TBC1D16: variants seen among roughly 807,000 people sequenced by gnomAD.
The protein encoded by TBC1D16 is TBC1 domain family member 16, also known as CTD-2529O21.1.
Under a neutral mutation model 74.7 loss-of-function variants are expected in TBC1D16, and 58 were observed. That is an observed-to-expected ratio of 0.78 (90% confidence interval 0.63 to 0.97). The LOEUF (loss-of-function observed/expected upper bound fraction) is 0.97, where lower values mean the gene tolerates loss of function less well. Ranked by LOEUF, TBC1D16 falls within the 50% of genes least tolerant of loss-of-function variation. The pLI, the probability that TBC1D16 is intolerant of heterozygous loss-of-function variation, is 0.00. For synonymous variants in TBC1D16, 493 were observed against 474.7 expected, an observed-to-expected ratio of 1.04 and a Z score of -0.50; for missense variants, 1,014 against 1,079.5, an observed-to-expected ratio of 0.94 and a Z score of 0.85.
At chr17:80,025,053 G>GACACACACCATA (rs2036509063) in intron 1 of TBC1D16, among the ~76,000 whole-genome samples, 1 of 32,224 alleles carries the variant, frequency 3.1e-5, no homozygotes, top group Admixed American at 2.7e-4. Context: ...ACACAACCAG[G>GACACACACCATA]CACACACACT....
In TBC1D16 at chr17:79,941,875, G is replaced by A. The variant is rs1179747405; in HGVS notation, c.2055+185C>T. On this transcript the variant is annotated intron_variant, in intron 11 of 11. Coordinates refer to ENST00000310924, the MANE Select transcript of TBC1D16 (RefSeq NM_019020.4). This position sits in a 1 kb window ranked among gnomAD's most constrained non-coding sequence, Gnocchi z 4.3. ...CCAGGCCGAGACAGGTGCTGACCAC[G>A]AGGCCTTAGTGGGGAGCCCCCAGTG... is the stretch of plus-strand genomic sequence containing the variant. 2.0e-5 allele frequency among the ~76,000 whole-genome samples: 3 copies of A among 150,532 alleles called. No individual in the cohort carries two copies. Among genetic ancestry groups the A allele is most frequent in the Non-Finnish European group, 4.4e-5 (3 of 67,946 alleles).
intron 1 of TBC1D16, among the ~76,000 whole-genome samples, chr17:80,020,153 C>T (rs1388418238): frequency 6.7e-6 from 1 of 149,820 alleles, no homozygotes; most frequent in Non-Finnish European, 1.5e-5. Flanking sequence ...CCTAAGGAAA[C>T]AATCCTGCCG....
intron 10 of TBC1D16, chr17:79,943,820 A>G: frequency 7.5e-7 from 1 of 1,335,706 alleles, no homozygotes; most frequent in Non-Finnish European, 9.7e-7. Flanking sequence ...GGGTAACATC[A>G]GCCTGAACGT....
At chr17:79,952,388 C>G (rs2033109056) in intron 4 of TBC1D16, among the ~76,000 whole-genome samples, 1 of 152,246 alleles carries the variant, frequency 6.6e-6, no homozygotes, top group Admixed American at 6.5e-5. Flanking sequence ...TTTCTTCTCC[C>G]AAGCCAGAGT....
intron 3 of TBC1D16, among the ~76,000 whole-genome samples, chr17:79,989,472 ATT>A (rs1420337827): frequency 6.6e-6 from 1 of 152,218 alleles, no homozygotes; most frequent in Non-Finnish European, 1.5e-5. Flanking sequence ...GTGCTGGGGT[ATT>A]TCCAGGATGA....
intron 3 of TBC1D16, among the ~76,000 whole-genome samples, chr17:79,960,784 A>AAAAAAAAAAAC (rs1348242737): frequency 2.8e-5 from 3 of 106,806 alleles, no homozygotes; most frequent in Non-Finnish European, 3.8e-5. Context: ...AAACCCAAAA[A>AAAAAAAAAAAC]AAAAAAAAAA....
chr17:80,030,958 C>T (rs939653743), intron 1 of TBC1D16, among the ~76,000 whole-genome samples: 5 of 152,236 alleles, frequency 3.3e-5, no homozygotes, highest in African/African-American at 1.2e-4. Flanking sequence ...AACAGCGACA[C>T]CTTATTAAAC....
At position 79,964,014 on chromosome 17, in the gene TBC1D16, C is replaced by T. The variant is rs149378710; in HGVS notation, c.780-11196G>A. On this transcript the variant is annotated intron_variant, in intron 3 of 11. Transcript: ENST00000310924. ...TTTTGGAGACAGAGTCTTGCTCTGT[C>T]GTCCAGGCTGGAGTACAGTGGCATG... 2.0e-3 allele frequency among the ~76,000 whole-genome samples: 306 copies of T among 152,194 alleles called. 1 individual carries two copies. The highest frequency in any genetic ancestry group is 7.0e-3 in the African/African-American group (290 of 41,516).
At chr17:80,023,664 C>CCG (rs1555885656) in intron 1 of TBC1D16, among the ~76,000 whole-genome samples, 4 of 141,132 alleles carry the variant, frequency 2.8e-5, no homozygotes, top group South Asian at 2.2e-4. Flanking sequence ...CGGGCCCCCC[C>CCG]CCACCGGCTC....
At chr17:79,969,490 G>C (rs1013662884) in intron 3 of TBC1D16, among the ~76,000 whole-genome samples, 1 of 152,210 alleles carries the variant, frequency 6.6e-6, no homozygotes, top group African/African-American at 2.4e-5. Flanking sequence ...ATAAGTGTTG[G>C]TGAGGAGGTC....
intron 3 of TBC1D16, among the ~76,000 whole-genome samples, chr17:79,966,473 G>A (rs1314181022): frequency 6.6e-6 from 1 of 151,828 alleles, no homozygotes; most frequent in East Asian, 1.9e-4. Flanking sequence ...ATTTGCTTAT[G>A]TGGGTCCCTC....
chr17:79,950,665 T>G lies in TBC1D16; in HGVS notation c.1090-87A>C. 6.4e-7 allele frequency: 1 copy of G among 1,553,012 alleles called. No homozygotes were observed. The highest frequency in any genetic ancestry group is 1.2e-5 in the South Asian group (1 of 84,756). On this transcript the variant is annotated intron_variant, in intron 5 of 11. Transcript: ENST00000310924. This position sits in a 1 kb window ranked among gnomAD's most constrained non-coding sequence, Gnocchi z 4.6. ...AGTGCTTTTCCCAGGAATAAAAGCC[T>G]CTCTCTCTTCTGAAAGGAGGGCAAG...
rs538095490 is a variant in TBC1D16 at position 80,010,173 on chromosome 17, C to A, written c.766G>T (p.Glu256Ter). The A allele has an allele frequency of 6.2e-7, 1 of 1,610,242 alleles. No homozygotes were observed. Among genetic ancestry groups the A allele is most frequent in the Non-Finnish European group, 8.5e-7 (1 of 1,178,172 alleles). ...LAESRGSVFL[E>*]SDSSPPSSSD... is the part of the protein sequence containing the mutation. ...CCAGGAACTCACCTGCTGTCACTTTCCAGAAACACGGAGCCGCGGCTCTCG... is the reference window on the plus strand; with the variant it reads ...CCAGGAACTCACCTGCTGTCACTTTACAGAAACACGGAGCCGCGGCTCTCG... Residue 256 changes from glutamate (E) to a stop codon, truncating the protein, a stop_gained, in exon 3 of 12, where the codon GAA (glutamate) becomes TAA (stop). Coordinates refer to ENST00000310924, the MANE Select transcript of TBC1D16 (RefSeq NM_019020.4). LOFTEE classifies it high-confidence loss of function. This position sits in a 1 kb window ranked among gnomAD's most constrained non-coding sequence, Gnocchi z 8.8.
chr17:79,976,704 C>T (rs1175914532), intron 3 of TBC1D16, among the ~76,000 whole-genome samples: 4 of 152,322 alleles, frequency 2.6e-5, no homozygotes, highest in African/African-American at 7.2e-5. Flanking sequence ...GTCTTCTCCA[C>T]GTCATTATCC....
chr17:80,021,946 A>G (rs2036303329), intron 1 of TBC1D16, among the ~76,000 whole-genome samples: 1 of 83,146 alleles, frequency 1.2e-5, no homozygotes, highest in African/African-American at 4.6e-5. Flanking sequence ...ACACACATGT[A>G]TTTCTCCTAA....
At chr17:79,957,595 C>T (rs941466627) in intron 3 of TBC1D16, among the ~76,000 whole-genome samples, 3 of 152,090 alleles carry the variant, frequency 2.0e-5, no homozygotes, top group Non-Finnish European at 4.4e-5. Context: ...AGTGACACAC[C>T]GGCATGACAC....
At chr17:79,996,136 G>A (rs1023955257) in intron 3 of TBC1D16, among the ~76,000 whole-genome samples, 2 of 152,126 alleles carry the variant, frequency 1.3e-5, no homozygotes, top group Non-Finnish European at 2.9e-5. Context: ...TTTTATTACA[G>A]TCACAAAAGA....
In TBC1D16 at chr17:80,015,290, C is replaced by T. The variant is rs549321374; in HGVS notation, c.-62-1681G>A. Among the ~76,000 whole-genome samples, 8 of 152,000 alleles carry T rather than the reference C, an allele frequency of 5.3e-5. No individual in the cohort carries two copies. The East Asian group carries it at 1.2e-3, about 22-fold the overall frequency. On this transcript the variant is annotated intron_variant, in intron 1 of 11. Transcript: ENST00000310924. ...ACTAAAAATAGAAAAAAAAGTTAGC[C>T]GGGTGTGGTGGCACGAGCCTATAAT...
In TBC1D16 at chr17:80,001,221, T is replaced by C. The variant is rs1356076711; in HGVS notation, c.779+8939A>G. Reference sequence around the variant, plus strand: ...CAGACCCCTGGCATCGGCCACTCTCTGGGTGCAGGCGGAGCAGCTGGTGGT... The same window carrying C: ...CAGACCCCTGGCATCGGCCACTCTCCGGGTGCAGGCGGAGCAGCTGGTGGT... On this transcript the variant is annotated intron_variant, in intron 3 of 11. Coordinates refer to ENST00000310924, the MANE Select transcript of TBC1D16 (RefSeq NM_019020.4). The surrounding 1 kb of genome is among the most constrained non-coding windows in gnomAD (Gnocchi z 5.8). 6.6e-6 allele frequency among the ~76,000 whole-genome samples: 1 copy of C among 151,978 alleles called. No individual in the cohort carries two copies. The highest frequency in any genetic ancestry group is 1.5e-5 in the Non-Finnish European group (1 of 67,974).
Sources: allele counts gnomAD v4.1 joint callset (sites outside exome capture counted in the v4.1 genomes callset), GRCh38; gene constraint gnomAD v4.1.1; non-coding constraint Gnocchi (gnomAD v3.1); transcripts MANE v1.5; gene names NCBI Gene and HGNC (gene_info 2026-07-23, HGNC 2026-07-21).